Variants in TNNI3K observed in about 807,000 individuals in gnomAD.
TNNI3K encodes TNNI3 interacting kinase.
Under a neutral mutation model 114.5 loss-of-function variants are expected in TNNI3K, and 140 were observed. That is an observed-to-expected ratio of 1.22 (90% CI 1.07 to 1.41). The LOEUF is 1.41. TNNI3K is among the 40% of genes most tolerant of loss of function. The pLI is 0.00. For missense variants in TNNI3K, 1,125 were observed against 1,007.6 expected (o/e 1.12, Z -1.58); for synonymous variants, 347 against 347.5 (o/e 1.00, Z 0.02).
intron 17 of TNNI3K, among the ~76,000 whole-genome samples, chr1:74,396,931 A>G (rs1664113796): frequency 6.6e-6 from 1 of 152,216 alleles, no homozygotes; most frequent in Non-Finnish European, 1.5e-5. Flanking sequence ...AGAAGCTGCA[A>G]AAGACTGATG....
chr1:74,527,717 C>A (rs1418772707), intron 23 of TNNI3K, among the ~76,000 whole-genome samples: 2 of 152,314 alleles, frequency 1.3e-5, no homozygotes, highest in East Asian at 1.9e-4. Flanking sequence ...GTGACATAAT[C>A]TGATTAGCAT....
intron 21 of TNNI3K, among the ~76,000 whole-genome samples, chr1:74,476,854 AG>A (rs1668232520): frequency 6.6e-6 from 1 of 152,132 alleles, no homozygotes; most frequent in Non-Finnish European, 1.5e-5. Flanking sequence ...TTAAATGAAA[AG>A]GGAGGGTATC....
At chr1:74,274,596 G>C (rs1288761162) in intron 5 of TNNI3K, among the ~76,000 whole-genome samples, 1 of 151,918 alleles carries the variant, frequency 6.6e-6, no homozygotes, top group South Asian at 2.1e-4. Flanking sequence ...TAAATATGCA[G>C]AAAAAATATA....
At chr1:74,317,713 A>C (rs983852581) in intron 5 of TNNI3K, among the ~76,000 whole-genome samples, 1 of 152,172 alleles carries the variant, frequency 6.6e-6, no homozygotes, top group Admixed American at 6.5e-5. Context: ...GGAGTAATTA[A>C]GTCAACCCTC....
At chr1:74,490,643 A>C (rs766118176) in intron 22 of TNNI3K, among the ~76,000 whole-genome samples, 11 of 152,202 alleles carry the variant, frequency 7.2e-5, no homozygotes, top group African/African-American at 9.7e-5. Context: ...AGTCAGCCTA[A>C]AGAGGCTTGA....
chr1:74,421,657 A>G (rs1570600292), intron 17 of TNNI3K, among the ~76,000 whole-genome samples: 1 of 152,136 alleles, frequency 6.6e-6, no homozygotes, highest in African/African-American at 2.4e-5. Context: ...TAGATACTTC[A>G]CAAGGATGAG....
chr1:74,540,237 T>G lies in TNNI3K; in HGVS notation c.2355T>G (p.Ala785=), dbSNP rs1646710085. The change falls in exon 24 of 25, where the codon GCT becomes GCG. Residue 785 remains alanine, a synonymous_variant. Transcript: ENST00000326637. ...CTGTGTTTTATTAATTTTCCAGTGCTGGACAATATTCCTCTCAAGGTCTGT... is the reference window on the plus strand; with the variant it reads ...CTGTGTTTTATTAATTTTCCAGTGCGGGACAATATTCCTCTCAAGGTCTGT... ...ARSYAALSQS[A]GQYSSQGLSL... 1.9e-6 allele frequency: 3 copies of G among 1,611,954 alleles called. No individual in the cohort carries two copies. The highest frequency in any genetic ancestry group is 2.5e-6 in the Non-Finnish European group (3 of 1,178,824).
intron 4 of TNNI3K, among the ~76,000 whole-genome samples, chr1:74,260,091 T>C (rs925606410): frequency 1.3e-5 from 2 of 152,234 alleles, no homozygotes; most frequent in African/African-American, 2.4e-5. Flanking sequence ...TTATTACTTA[T>C]TTAAAACCAA....
chr1:74,330,695 T>C (rs879818187), intron 5 of TNNI3K, among the ~76,000 whole-genome samples: 16 of 152,170 alleles, frequency 1.1e-4, no homozygotes, highest in African/African-American at 2.9e-4. Context: ...CCAATAAACC[T>C]AAAATGGATA....
At chr1:74,349,838 T>C (rs1366823231) in intron 9 of TNNI3K, among the ~76,000 whole-genome samples, 1 of 152,220 alleles carries the variant, frequency 6.6e-6, no homozygotes, top group Non-Finnish European at 1.5e-5. Flanking sequence ...CATTTTTTAT[T>C]GCGTCTATTT....
At chr1:74,321,989 A>T (rs1432823172) in intron 5 of TNNI3K, among the ~76,000 whole-genome samples, 1 of 152,100 alleles carries the variant, frequency 6.6e-6, no homozygotes, top group East Asian at 1.9e-4. Context: ...TATATAAATT[A>T]AAAATAGAAA....
chr1:74,477,728 T>G (rs749458712), intron 21 of TNNI3K, among the ~76,000 whole-genome samples: 6 of 152,184 alleles, frequency 3.9e-5, no homozygotes, highest in Non-Finnish European at 8.8e-5. Flanking sequence ...GTATGGTCAC[T>G]TTCCATTAGT....
rs562487519 is a variant in TNNI3K at position 74,336,440 on chromosome 1, G to A, written c.682+291G>A. ...ATGTATACATGTGCCATGCTGGTGCGCTGCACCCACTAACTCGTCATCTAG... is the reference window on the plus strand; with the variant it reads ...ATGTATACATGTGCCATGCTGGTGCACTGCACCCACTAACTCGTCATCTAG... On this transcript the variant is annotated intron_variant, in intron 7 of 24. Transcript: ENST00000326637. Among the ~76,000 whole-genome samples, 27 of 151,888 alleles carry A rather than the reference G, an allele frequency of 1.8e-4. No individual in the cohort carries two copies. In the South Asian group the frequency reaches 3.1e-3, roughly 18 times the overall value.
intron 11 of TNNI3K, among the ~76,000 whole-genome samples, chr1:74,365,678 A>G (rs913314002): frequency 6.6e-6 from 1 of 152,032 alleles, no homozygotes; most frequent in East Asian, 1.9e-4. Flanking sequence ...CTCTCTGCCT[A>G]TTAGGTGCTT....
chr1:74,269,338 C>T (rs573383686), intron 4 of TNNI3K, among the ~76,000 whole-genome samples: 1 of 151,992 alleles, frequency 6.6e-6, no homozygotes, highest in South Asian at 2.1e-4. Context: ...TTACTCACTG[C>T]AGTGTCACCA....
chr1:74,242,138 C>G (rs114957385), intron 2 of TNNI3K, among the ~76,000 whole-genome samples: 1 of 151,986 alleles, frequency 6.6e-6, no homozygotes, highest in South Asian at 2.1e-4. Context: ...CATGAGCCAC[C>G]GCGCCTGACC....
chr1:74,503,874 T>A (rs1017289300), intron 23 of TNNI3K, among the ~76,000 whole-genome samples: 2 of 152,196 alleles, frequency 1.3e-5, no homozygotes, highest in African/African-American at 4.8e-5. Context: ...TAACTATGCA[T>A]GTTGATGTGA....
chr1:74,405,832 T>A (rs1450344967), intron 17 of TNNI3K, among the ~76,000 whole-genome samples: 1 of 152,256 alleles, frequency 6.6e-6, no homozygotes, highest in Non-Finnish European at 1.5e-5. Context: ...AAAAAGTCGG[T>A]TGAATACTAA....
chr1:74,313,392 A>G (rs1659109056), intron 5 of TNNI3K, among the ~76,000 whole-genome samples: 1 of 152,148 alleles, frequency 6.6e-6, no homozygotes, highest in East Asian at 1.9e-4. Flanking sequence ...CTTGGAAGAT[A>G]ATTACAGGTT....
Sources: gnomAD v4.1 joint callset for allele counts (sites outside exome capture counted in the v4.1 genomes callset) on GRCh38, gnomAD v4.1.1 for gene constraint, MANE v1.5 for transcripts, NCBI Gene and HGNC (gene_info 2026-07-23, HGNC 2026-07-21) for gene names.